PURG: variants seen among roughly 807,000 people sequenced by gnomAD.
PURG encodes the protein purine rich element binding protein G.
PURG carries 3 observed loss-of-function variants against 24.3 expected under a neutral mutation model. The observed-to-expected ratio is 0.12, with a 90% CI of 0.06 to 0.32. The LOEUF (loss-of-function observed/expected upper bound fraction) is 0.32. PURG is among the 10% of genes least tolerant of loss of function. The probability of loss-of-function intolerance (pLI) is 1.00; values close to 1 mark genes in which losing one functional copy is unlikely to be tolerated. For synonymous variants in PURG, 180 were observed against 173.1 expected, an observed-to-expected ratio of 1.04 and a Z score of -0.31; for missense variants, 371 against 439.1, an observed-to-expected ratio of 0.84 and a Z score of 1.39.
chr8:31,000,140 C>T (rs1395022340), intron 1 of PURG, among the ~76,000 whole-genome samples: 1 of 151,940 alleles, frequency 6.6e-6, no homozygotes, highest in Non-Finnish European at 1.5e-5. Context: ...CTATAAAGTC[C>T]AGCAAAAAAT....
chr8:31,004,571 G>C (rs911308622), intron 1 of PURG, among the ~76,000 whole-genome samples: 1 of 152,102 alleles, frequency 6.6e-6, no homozygotes, highest in African/African-American at 2.4e-5. Flanking sequence ...GGAGGCTGAG[G>C]CAAGAGAATT....
At chr8:31,019,327 A>AT (rs771463137) in intron 1 of PURG, among the ~76,000 whole-genome samples, 24,684 of 78,946 alleles carry the variant, frequency 0.31, 5,985 homozygotes, top group Non-Finnish European at 0.39. Flanking sequence ...AACACCTCTA[A>AT]TTTTTTTTTT....
chr8:31,017,548 C>T (rs1036661356), intron 1 of PURG, among the ~76,000 whole-genome samples: 4 of 152,056 alleles, frequency 2.6e-5, no homozygotes, highest in African/African-American at 9.7e-5. Flanking sequence ...ATTTAAATCA[C>T]TCAGATCTCT....
At chr8:31,008,293 A>G (rs1810695110) in intron 1 of PURG, among the ~76,000 whole-genome samples, 1 of 152,136 alleles carries the variant, frequency 6.6e-6, no homozygotes, top group South Asian at 2.1e-4. Context: ...ATGTACCTGA[A>G]GGCATTTAAC....
At chr8:31,005,445 A>AAAAG (rs1554511615) in intron 1 of PURG, among the ~76,000 whole-genome samples, 2 of 151,710 alleles carry the variant, frequency 1.3e-5, no homozygotes, top group African/African-American at 4.8e-5. Flanking sequence ...AAACAAAAAA[A>AAAAG]AAAAGAAAAG....
exon 2 of PURG, chr8:30,996,488 C>T (rs1291697904): frequency 6.8e-6 from 5 of 737,418 alleles, no homozygotes; most frequent in Middle Eastern, 2.6e-4. Context: ...TCTTCCCTTC[C>T]GTGGAGGAAT....
intron 1 of PURG, among the ~76,000 whole-genome samples, chr8:31,003,630 T>C (rs1299669289): frequency 6.6e-6 from 1 of 152,008 alleles, no homozygotes; most frequent in Non-Finnish European, 1.5e-5. Flanking sequence ...GGCATGGTGG[T>C]GCCCACTTGT....
intron 1 of PURG, among the ~76,000 whole-genome samples, chr8:31,016,539 G>A (rs1194354421): frequency 8.5e-6 from 1 of 117,564 alleles, no homozygotes; most frequent in African/African-American, 3.2e-5. Flanking sequence ...AATTTGTGCT[G>A]GAAAAACGAT....
chr8:31,021,363 G>A (rs778305647), intron 1 of PURG, among the ~76,000 whole-genome samples: 11 of 152,092 alleles, frequency 7.2e-5, no homozygotes. Context: ...ACATTCTTAT[G>A]ATCTGATCCC....
intron 1 of PURG, among the ~76,000 whole-genome samples, chr8:31,008,650 G>A (rs1005977785): frequency 6.6e-6 from 1 of 152,116 alleles, no homozygotes; most frequent in Non-Finnish European, 1.5e-5. Context: ...GTTCTGTGAG[G>A]GCAGGGAACT....
chr8:31,029,087 T>C (rs187953612), downstream of PURG, among the ~76,000 whole-genome samples: 3 of 151,982 alleles, frequency 2.0e-5, no homozygotes, highest in Admixed American at 2.0e-4. Context: ...GCTTATTTTA[T>C]AAGATACATG....
At chr8:31,011,706 C>A (rs191221664) in intron 1 of PURG, among the ~76,000 whole-genome samples, 1 of 152,200 alleles carries the variant, frequency 6.6e-6, no homozygotes, top group South Asian at 2.1e-4. Flanking sequence ...TGCTTTGAAT[C>A]AAATAACTTT....
chr8:31,009,424 T>TCAAAA (rs369300801), intron 1 of PURG, among the ~76,000 whole-genome samples: 65 of 152,162 alleles, frequency 4.3e-4, no homozygotes, highest in Middle Eastern at 3.4e-3. Flanking sequence ...AGACTCTGTC[T>TCAAAA]CAAAACAAAA....
At chr8:31,021,326 T>C (rs566158941) in intron 1 of PURG, among the ~76,000 whole-genome samples, 1 of 152,322 alleles carries the variant, frequency 6.6e-6, no homozygotes, top group East Asian at 1.9e-4. Flanking sequence ...CTCTCTGCCC[T>C]TAGGGATGAA....
intron 1 of PURG, among the ~76,000 whole-genome samples, chr8:31,023,225 C>T (rs954373481): frequency 6.6e-6 from 1 of 152,178 alleles, no homozygotes; most frequent in African/African-American, 2.4e-5. Flanking sequence ...ACAGACCAAC[C>T]AAATTGCTAT....
intron 1 of PURG, among the ~76,000 whole-genome samples, chr8:31,000,687 T>G (rs1272754650): frequency 6.6e-6 from 1 of 152,156 alleles, no homozygotes; most frequent in Admixed American, 6.6e-5. Context: ...GAACATTAAA[T>G]AACTGTCTAA....
intron 1 of PURG, among the ~76,000 whole-genome samples, chr8:31,022,801 C>CATTGCT (rs1303552578): frequency 6.6e-6 from 1 of 152,182 alleles, no homozygotes; most frequent in Non-Finnish European, 1.5e-5. Flanking sequence ...GAATAAACCA[C>CATTGCT]ATTGCTAGTT....
intron 1 of PURG, among the ~76,000 whole-genome samples, chr8:31,004,482 G>T (rs1447199458): frequency 6.6e-6 from 1 of 152,144 alleles, no homozygotes; most frequent in East Asian, 1.9e-4. Flanking sequence ...GATCACTTGA[G>T]GTCAGGAGTT....
At chr8:31,009,249 A>T (rs938681306) in intron 1 of PURG, among the ~76,000 whole-genome samples, 3 of 152,022 alleles carry the variant, frequency 2.0e-5, no homozygotes, top group African/African-American at 7.3e-5. Flanking sequence ...ACACAGTGAA[A>T]CCCCATCTCT....
Sources: allele counts gnomAD v4.1 joint callset (sites outside exome capture counted in the v4.1 genomes callset), GRCh38; gene constraint gnomAD v4.1.1; transcripts MANE v1.5; gene names NCBI Gene and HGNC (gene_info 2026-07-23, HGNC 2026-07-21).